The following MAML3 variants were observed in gnomAD, a reference collection of about 807,000 sequenced individuals.
MAML3 encodes the protein mastermind like transcriptional coactivator 3, also known as mastermind-like protein 3.
MAML3 carries 27 observed loss-of-function variants against 101.9 expected under a neutral mutation model. The ratio of observed to expected loss-of-function variants is 0.27; its 90% CI spans 0.20 to 0.37. The LOEUF (loss-of-function observed/expected upper bound fraction) is 0.37, where lower values mean the gene tolerates loss of function less well. Among genes scored for constraint, MAML3 ranks in the 10% least tolerant of loss-of-function variants. The pLI, the probability that MAML3 is intolerant of heterozygous loss-of-function variation, is 1.00. For synonymous variants in MAML3, 501 were observed against 555.9 expected, an observed-to-expected ratio of 0.90 and a Z score of 1.39; for missense variants, 1,316 against 1,444.9, an observed-to-expected ratio of 0.91 and a Z score of 1.45.
intron 1 of MAML3, among the ~76,000 whole-genome samples, chr4:140,078,855 A>G (rs1324378714): frequency 6.6e-6 from 1 of 152,194 alleles, no homozygotes; most frequent in Non-Finnish European, 1.5e-5. Flanking sequence ...TGGAAAGGAA[A>G]GGAAACAGAG....
intron 1 of MAML3, among the ~76,000 whole-genome samples, chr4:139,900,567 C>T (rs557981355): frequency 6.6e-6 from 1 of 152,288 alleles, no homozygotes; most frequent in East Asian, 1.9e-4. Context: ...ATATTTTCAT[C>T]ACAAGTCACA....
intron 1 of MAML3, among the ~76,000 whole-genome samples, chr4:140,067,058 A>G (rs1045003121): frequency 3.3e-5 from 5 of 152,182 alleles, no homozygotes; most frequent in Admixed American, 6.5e-5. Context: ...TGAATAATAC[A>G]TTTTGGCATG....
intron 2 of MAML3, among the ~76,000 whole-genome samples, chr4:139,805,818 T>C (rs1730690994): frequency 6.6e-6 from 1 of 152,138 alleles, no homozygotes; most frequent in African/African-American, 2.4e-5. Flanking sequence ...TGTTAGAACC[T>C]ACTGTAAAAC....
chr4:140,052,540 T>C (rs1332465154), intron 1 of MAML3, among the ~76,000 whole-genome samples: 1 of 151,530 alleles, frequency 6.6e-6, no homozygotes, highest in African/African-American at 2.4e-5. Context: ...TATTTCTTTT[T>C]TTTTTTTTTT....
chr4:140,078,197 CAAG>C (rs1727807365), intron 1 of MAML3, among the ~76,000 whole-genome samples: 1 of 151,978 alleles, frequency 6.6e-6, no homozygotes, highest in African/African-American at 2.4e-5. Flanking sequence ...AGGCAAAGGA[CAAG>C]AAGGCACCAT....
chr4:139,786,030 G>T (rs550402160), intron 2 of MAML3, among the ~76,000 whole-genome samples: 2 of 152,112 alleles, frequency 1.3e-5, no homozygotes, highest in African/African-American at 4.8e-5. Flanking sequence ...CCTTTAAAGA[G>T]GTAATTAAGT....
chr4:139,925,465 G>C (rs1733203129), intron 1 of MAML3, among the ~76,000 whole-genome samples: 1 of 152,000 alleles, frequency 6.6e-6, no homozygotes, highest in African/African-American at 2.4e-5. Flanking sequence ...CCTGACCTCA[G>C]GCAATCCACC....
At chr4:139,794,695 G>A (rs1730482300) in intron 2 of MAML3, among the ~76,000 whole-genome samples, 1 of 152,218 alleles carries the variant, frequency 6.6e-6, no homozygotes, top group Non-Finnish European at 1.5e-5. Flanking sequence ...CAATCTCTCT[G>A]CTCCCTGTGT....
At chr4:140,013,288 T>G (rs565176876) in intron 1 of MAML3, among the ~76,000 whole-genome samples, 22 of 152,222 alleles carry the variant, frequency 1.4e-4, no homozygotes, top group Non-Finnish European at 2.9e-4. Context: ...GAACACAGCC[T>G]GCATTCTTCC....
intron 3 of MAML3, among the ~76,000 whole-genome samples, chr4:139,729,156 C>CA (rs4057275): frequency 0.013 from 1,038 of 81,646 alleles, 9 homozygotes; most frequent in African/African-American, 0.042. Context: ...GGAACAAAAG[C>CA]AAAAAAAAAA....
chr4:139,832,094 C>CTTTTTTTTTTTTTTT lies in MAML3; in HGVS notation c.2079+57248_2079+57262dup, dbSNP rs70943444. Reference sequence around the variant, plus strand: ...AGGCGTGAGCCATCATGCCCAGCCCCTTTTTTTTTTTTTTTTTTTTTTTTT... The same window carrying CTTTTTTTTTTTTTTT: ...AGGCGTGAGCCATCATGCCCAGCCCCTTTTTTTTTTTTTTTTTTTTTTTTTTTTTTTTTTTTTTTT... On this transcript the variant is annotated intron_variant, in intron 2 of 4. Transcript: ENST00000509479. Among the ~76,000 whole-genome samples the CTTTTTTTTTTTTTTT allele has an allele frequency of 4.8e-3, 309 of 64,692 alleles. 40 individuals carry two copies. Among genetic ancestry groups the CTTTTTTTTTTTTTTT allele is most frequent in the Non-Finnish European group, 8.2e-3 (244 of 29,892 alleles). 42.4% of individuals were successfully genotyped at this position (64,692 alleles called of 152,430 possible). A position where few individuals can be genotyped will look rare whatever the true frequency, so the allele number is the denominator to read the frequency against.
At chr4:140,151,984 A>G (rs974191338) in intron 1 of MAML3, among the ~76,000 whole-genome samples, 2 of 152,216 alleles carry the variant, frequency 1.3e-5, no homozygotes, top group African/African-American at 4.8e-5. Flanking sequence ...AAGCGGAGAA[A>G]GACTCCGTGC....
At chr4:139,858,159 T>C (rs1022380821) in intron 2 of MAML3, among the ~76,000 whole-genome samples, 1 of 152,224 alleles carries the variant, frequency 6.6e-6, no homozygotes, top group Non-Finnish European at 1.5e-5. Flanking sequence ...TATTCCTATT[T>C]TGCACCCAAG....
chr4:140,061,121 G>A (rs116943308), intron 1 of MAML3, among the ~76,000 whole-genome samples: 1 of 152,336 alleles, frequency 6.6e-6, no homozygotes, highest in East Asian at 1.9e-4. Flanking sequence ...GATTGTCAAA[G>A]CTCTACTCAT....
chr4:140,046,854 T>C (rs1217532212), intron 1 of MAML3, among the ~76,000 whole-genome samples: 2 of 152,136 alleles, frequency 1.3e-5, no homozygotes, highest in Non-Finnish European at 2.9e-5. Flanking sequence ...GCAGTCTATA[T>C]ATATTATATA....
At chr4:139,780,627 T>TC (rs1173294112) in intron 2 of MAML3, among the ~76,000 whole-genome samples, 1 of 104,368 alleles carries the variant, frequency 9.6e-6, no homozygotes, top group African/African-American at 3.5e-5. Context: ...TCTTTTCTTT[T>TC]TTTTTTTTTT....
chr4:139,730,573 G>A lies in MAML3; in HGVS notation c.2174C>T (p.Ala725Val). Reference protein sequence around the residue: ...SGGMVSGASPAGPGFLGSQPQ... With the variant: ...SGGMVSGASPVGPGFLGSQPQ... ...CTGGCTGCCCAGGAAGCCGGGGCCT[G>A]CGGGACTGGCTCCTGAGACCATGCC... The change falls in exon 3 of 5, where the codon GCA becomes GTA. Residue 725 changes from alanine to valine, a missense_variant. By Grantham distance (64) the Ala-to-Val change is moderately conservative. Transcript: ENST00000509479. 1 of 1,603,838 alleles carries A rather than the reference G, an allele frequency of 6.2e-7. No homozygotes were observed.
At chr4:139,753,656 T>C (rs1729580100) in intron 2 of MAML3, among the ~76,000 whole-genome samples, 1 of 152,216 alleles carries the variant, frequency 6.6e-6, no homozygotes, top group African/African-American at 2.4e-5. Context: ...CCTACATACA[T>C]CCCTGAGGCT....
At chr4:139,968,522 A>C (rs1478360642) in intron 1 of MAML3, among the ~76,000 whole-genome samples, 3 of 152,112 alleles carry the variant, frequency 2.0e-5, no homozygotes, top group African/African-American at 7.2e-5. Context: ...AACCATTCTT[A>C]CAGTAATAAG....
Sources: gnomAD v4.1 joint callset for allele counts (sites outside exome capture counted in the v4.1 genomes callset) on GRCh38, gnomAD v4.1.1 for gene constraint, MANE v1.5 for transcripts, NCBI Gene and HGNC (gene_info 2026-07-23, HGNC 2026-07-21) for gene names.